The following CNTNAP5 variants were observed in gnomAD, a reference collection of about 807,000 sequenced individuals.
CNTNAP5 encodes the protein contactin-associated protein-like 5.
A neutral mutation model predicts 150.2 loss-of-function variants in CNTNAP5; 72 were observed. The observed-to-expected ratio is 0.48, with a 90% CI of 0.40 to 0.58. The LOEUF is 0.58. Ranked by LOEUF, CNTNAP5 falls within the 20% of genes least tolerant of loss-of-function variation. CNTNAP5 has a pLI of 0.00. For synonymous variants in CNTNAP5, 672 were observed against 619.8 expected, an observed-to-expected ratio of 1.08 and a Z score of -1.25; for missense variants, 1,636 against 1,626.2, an observed-to-expected ratio of 1.01 and a Z score of -0.10.
At chr2:124,207,806 G>A (rs1169404257) in intron 1 of CNTNAP5, among the ~76,000 whole-genome samples, 1 of 152,124 alleles carries the variant, frequency 6.6e-6, no homozygotes, top group African/African-American at 2.4e-5. Flanking sequence ...GAAGGGTTTG[G>A]TGAGGGAAAA....
chr2:124,880,195 A>G (rs1223891991), intron 21 of CNTNAP5, among the ~76,000 whole-genome samples: 2 of 152,146 alleles, frequency 1.3e-5, no homozygotes, highest in African/African-American at 4.8e-5. Context: ...TATGCCATTT[A>G]TCCATTTCTA....
intron 8 of CNTNAP5, among the ~76,000 whole-genome samples, chr2:124,510,510 T>TAC (rs1553474731): frequency 2.4e-4 from 30 of 124,488 alleles, no homozygotes; most frequent in African/African-American, 6.6e-4. Context: ...TATATATATA[T>TAC]ATATATATAC....
At chr2:124,822,798 C>T (rs1298848034) in intron 19 of CNTNAP5, among the ~76,000 whole-genome samples, 1 of 152,068 alleles carries the variant, frequency 6.6e-6, no homozygotes, top group African/African-American at 2.4e-5. Flanking sequence ...TTCTTTTAGA[C>T]AGTGTATGTC....
chr2:124,379,517 C>G (rs1355237871), intron 3 of CNTNAP5, among the ~76,000 whole-genome samples: 1 of 152,066 alleles, frequency 6.6e-6, no homozygotes, highest in African/African-American at 2.4e-5. Context: ...GAGTGATATT[C>G]CATTGTCTGG....
intron 5 of CNTNAP5, among the ~76,000 whole-genome samples, chr2:124,445,560 T>G (rs557141337): frequency 6.6e-6 from 1 of 152,300 alleles, no homozygotes; most frequent in South Asian, 2.1e-4. Flanking sequence ...CTTTTCTAAT[T>G]ATAATGAGTC....
intron 1 of CNTNAP5, among the ~76,000 whole-genome samples, chr2:124,149,403 CAAA>C (rs71394025): frequency 0.014 from 1,167 of 82,764 alleles, 6 homozygotes; most frequent in East Asian, 0.03. Flanking sequence ...GCGTCAATTG[CAAA>C]AAAAAAAAAA....
intron 1 of CNTNAP5, among the ~76,000 whole-genome samples, chr2:124,156,286 A>G (rs950285198): frequency 6.6e-6 from 1 of 152,166 alleles, no homozygotes; most frequent in Non-Finnish European, 1.5e-5. Flanking sequence ...CAGGGCAGTC[A>G]ATGTTCCTCC....
At chr2:124,908,246 C>G (rs1186188606) in intron 22 of CNTNAP5, among the ~76,000 whole-genome samples, 1 of 151,994 alleles carries the variant, frequency 6.6e-6, no homozygotes, top group African/African-American at 2.4e-5. Flanking sequence ...TGGTGCACAC[C>G]TGTAATCCCA....
intron 4 of CNTNAP5, among the ~76,000 whole-genome samples, chr2:124,427,348 C>A (rs1573988283): frequency 6.6e-6 from 1 of 152,124 alleles, no homozygotes; most frequent in Admixed American, 6.5e-5. Context: ...TTTCTAAAAA[C>A]CCAAACCAAT....
chr2:124,892,371 G>A lies in CNTNAP5; in HGVS notation c.3437-10511G>A, dbSNP rs370194848. Among the ~76,000 whole-genome samples the A allele has an allele frequency of 3.3e-5, 5 of 152,186 alleles. No individual in the cohort carries two copies. In the East Asian group the frequency reaches 9.7e-4, roughly 29 times the overall value. On this transcript the variant is annotated intron_variant, in intron 21 of 23. Coordinates refer to ENST00000682447, the MANE Select transcript of CNTNAP5 (RefSeq NM_001367498.1). Reference sequence around the variant, plus strand: ...CTGGACAATCCCTTAGGGGTTCCTTGCCCTACAGAAAAGTCAGTGGATGAA... The same window carrying A: ...CTGGACAATCCCTTAGGGGTTCCTTACCCTACAGAAAAGTCAGTGGATGAA...
In CNTNAP5 at chr2:124,919,506, G is replaced by A. The variant is rs189292539; in HGVS notation, c.*5218G>A. Reference sequence around the variant, plus strand: ...ACACCTGCTGCGAACTTGACGAGGAGGAAGAGGGGCCAGTGGCAGTAATTG... The same window carrying A: ...ACACCTGCTGCGAACTTGACGAGGAAGAAGAGGGGCCAGTGGCAGTAATTG... On this transcript the variant is annotated 3_prime_UTR_variant, in exon 24 of 24. Transcript: ENST00000682447. Among the ~76,000 whole-genome samples, 4 of 152,212 alleles carry A rather than the reference G, an allele frequency of 2.6e-5. No individual in the cohort carries two copies. The highest frequency in any genetic ancestry group is 2.1e-4 in the South Asian group (1 of 4,828).
At chr2:124,187,667 G>A (rs1685366118) in intron 1 of CNTNAP5, among the ~76,000 whole-genome samples, 2 of 152,276 alleles carry the variant, frequency 1.3e-5, no homozygotes, top group Non-Finnish European at 2.9e-5. Flanking sequence ...AAAGTCTGAG[G>A]TTCATATACT....
At chr2:124,665,746 C>A (rs1678686184) in intron 13 of CNTNAP5, among the ~76,000 whole-genome samples, 2 of 151,910 alleles carry the variant, frequency 1.3e-5, no homozygotes, top group South Asian at 2.1e-4. Context: ...ATTAGCCGGG[C>A]GTGGTGGCGG....
chr2:124,445,722 A>T (rs1692797188), intron 5 of CNTNAP5, among the ~76,000 whole-genome samples: 1 of 152,196 alleles, frequency 6.6e-6, no homozygotes, highest in Non-Finnish European at 1.5e-5. Context: ...CTGCAGCTGT[A>T]CTGGAGAAAA....
At chr2:124,388,081 C>G (rs1309910315) in intron 3 of CNTNAP5, among the ~76,000 whole-genome samples, 6 of 152,178 alleles carry the variant, frequency 3.9e-5, no homozygotes, top group Non-Finnish European at 8.8e-5. Flanking sequence ...AACAGTGTGT[C>G]TAGAGGATGA....
At chr2:124,902,775 T>C (rs1439026366) in intron 21 of CNTNAP5, 107 bp from the exon 22 acceptor site, 4 of 716,690 alleles carry the variant, frequency 5.6e-6, no homozygotes, top group Middle Eastern at 3.6e-4. Flanking sequence ...ACTCAAACAA[T>C]AACAAGGTAA....
chr2:124,418,196 C>T (rs1252950418), intron 4 of CNTNAP5, among the ~76,000 whole-genome samples: 1 of 152,142 alleles, frequency 6.6e-6, no homozygotes, highest in Non-Finnish European at 1.5e-5. Context: ...ATAATTCTTT[C>T]CTGCGCGCTT....
intron 1 of CNTNAP5, among the ~76,000 whole-genome samples, chr2:124,080,887 T>C (rs1012932930): frequency 6.6e-6 from 1 of 152,142 alleles, no homozygotes; most frequent in African/African-American, 2.4e-5. Context: ...GAGAATGCTT[T>C]TTCCAGGGCC....
chr2:124,132,519 G>A (rs760382647), intron 1 of CNTNAP5, among the ~76,000 whole-genome samples: 3 of 152,048 alleles, frequency 2.0e-5, no homozygotes, highest in Non-Finnish European at 4.4e-5. Flanking sequence ...GTGAGACAAC[G>A]AGGATCAACT....
Sources: gnomAD v4.1 joint callset for allele counts (sites outside exome capture counted in the v4.1 genomes callset) on GRCh38, gnomAD v4.1.1 for gene constraint, MANE v1.5 for transcripts, NCBI Gene and HGNC (gene_info 2026-07-23, HGNC 2026-07-21) for gene names.